The following PIP5K1B variants were observed in gnomAD, a reference collection of about 807,000 sequenced individuals.
The protein encoded by PIP5K1B is phosphatidylinositol 4-phosphate 5-kinase type-1 beta.
In PIP5K1B, 42 loss-of-function variants were observed where a neutral mutation model predicts 67.0. That is an observed-to-expected ratio of 0.63 (90% CI 0.49 to 0.81). The LOEUF (loss-of-function observed/expected upper bound fraction) is 0.81, where lower values mean the gene tolerates loss of function less well. PIP5K1B is among the 30% of genes least tolerant of loss of function. The probability of loss-of-function intolerance (pLI) is 0.00; values close to 1 mark genes in which losing one functional copy is unlikely to be tolerated. For synonymous variants in PIP5K1B, 214 were observed against 231.4 expected, an observed-to-expected ratio of 0.92 and a Z score of 0.68; for missense variants, 459 against 646.3, an observed-to-expected ratio of 0.71 and a Z score of 3.14.
In PIP5K1B at chr9:68,868,460, T is replaced by C. The variant is rs755594438; in HGVS notation, c.200+4493T>C. On this transcript the variant is annotated intron_variant, in intron 5 of 15. Coordinates refer to ENST00000265382, the MANE Select transcript of PIP5K1B (RefSeq NM_003558.4). Reference sequence around the variant, plus strand: ...TATGAAATAATTTGACCCTAAGACATTAAGTCACTTAGCCCAAGGCTATCC... The same window carrying C: ...TATGAAATAATTTGACCCTAAGACACTAAGTCACTTAGCCCAAGGCTATCC... 2.2e-4 allele frequency among the ~76,000 whole-genome samples: 33 copies of C among 152,346 alleles called. 2 individuals carry two copies. The Middle Eastern group carries it at 0.02, about 94-fold the overall frequency.
At chr9:68,791,919 A>G (rs1482605760) in intron 2 of PIP5K1B, among the ~76,000 whole-genome samples, 2 of 152,168 alleles carry the variant, frequency 1.3e-5, no homozygotes, top group Non-Finnish European at 2.9e-5. Context: ...TGTTTTCTGT[A>G]TATGCTTACT....
At chr9:68,917,017 G>C (rs535228077) in intron 8 of PIP5K1B, among the ~76,000 whole-genome samples, 22 of 152,150 alleles carry the variant, frequency 1.4e-4, no homozygotes, top group Admixed American at 3.3e-4. Context: ...AGATACAAGC[G>C]TACAAACTTA....
At chr9:68,943,241 C>T (rs927051522) in intron 14 of PIP5K1B, among the ~76,000 whole-genome samples, 4 of 152,222 alleles carry the variant, frequency 2.6e-5, no homozygotes, top group African/African-American at 9.7e-5. Flanking sequence ...TGACCACCCT[C>T]TTCCTCATTC....
rs2133062434 is a variant in PIP5K1B at position 69,008,429 on chromosome 9, C to G, written c.1621-18C>G. The G allele has an allele frequency of 1.2e-6, 2 of 1,613,480 alleles. No homozygotes were observed. Among genetic ancestry groups the G allele is most frequent in the Middle Eastern group, 1.6e-4 (1 of 6,062 alleles). ...ATGCCAAAATCTAGTCTCACACCTG[C>G]TTTTTTGCTCCCCCCAGTAAGTGAA... is the stretch of plus-strand genomic sequence containing the variant. On this transcript the variant is annotated intron_variant, in intron 15 of 15. Transcript: ENST00000265382.
intron 11 of PIP5K1B, among the ~76,000 whole-genome samples, chr9:68,919,934 C>T (rs1826279200): frequency 6.6e-6 from 1 of 152,188 alleles, no homozygotes; most frequent in Non-Finnish European, 1.5e-5. Flanking sequence ...TACATGACAT[C>T]CAGCCTAGCG....
chr9:68,991,290 T>A (rs1830354785), intron 15 of PIP5K1B, 33 bp downstream of exon 15: 1 of 1,143,046 alleles, frequency 8.7e-7, no homozygotes, highest in African/African-American at 1.5e-5. Context: ...CTCCTCCACT[T>A]CTGGTTTGTA....
At chr9:68,830,268 T>G (rs1474651192) in intron 4 of PIP5K1B, among the ~76,000 whole-genome samples, 1 of 152,158 alleles carries the variant, frequency 6.6e-6, no homozygotes, top group Admixed American at 6.5e-5. Flanking sequence ...CACGTTACCA[T>G]GCACCCCCCG....
chr9:68,814,276 A>G (rs955747215), intron 2 of PIP5K1B, among the ~76,000 whole-genome samples: 7 of 152,242 alleles, frequency 4.6e-5, no homozygotes, highest in African/African-American at 1.7e-4. Context: ...TTGCTTTCTT[A>G]ATTGAAAAAC....
At chr9:68,969,923 T>C (rs1004727797) in intron 14 of PIP5K1B, among the ~76,000 whole-genome samples, 2 of 152,170 alleles carry the variant, frequency 1.3e-5, no homozygotes, top group Admixed American at 6.5e-5. Flanking sequence ...GTGAGTAACA[T>C]TGAGGACATA....
chr9:68,799,662 G>C (rs547356930), intron 2 of PIP5K1B, among the ~76,000 whole-genome samples: 12 of 152,266 alleles, frequency 7.9e-5, no homozygotes, highest in African/African-American at 2.9e-4. Context: ...CTTCAACAAA[G>C]GGTGTTGGGA....
intron 2 of PIP5K1B, among the ~76,000 whole-genome samples, chr9:68,802,776 T>A (rs1832671334): frequency 1.3e-5 from 2 of 152,192 alleles, no homozygotes; most frequent in Non-Finnish European, 2.9e-5. Flanking sequence ...TCATCCCATG[T>A]GGCTGCAGTT....
At chr9:68,889,310 A>C (rs1453674822) in intron 7 of PIP5K1B, among the ~76,000 whole-genome samples, 177 bp downstream of exon 7, 1 of 152,166 alleles carries the variant, frequency 6.6e-6, no homozygotes, top group Non-Finnish European at 1.5e-5. Context: ...GTAAACTAGA[A>C]CTGAATGGCA....
At chr9:68,990,774 CTG>C (rs1830326575) in intron 14 of PIP5K1B, among the ~76,000 whole-genome samples, 2 of 151,898 alleles carry the variant, frequency 1.3e-5, no homozygotes, top group Non-Finnish European at 2.9e-5. Context: ...AGTGATTCTT[CTG>C]CCTCAGCCTC....
chr9:69,004,893 G>A (rs1480770744), intron 15 of PIP5K1B, among the ~76,000 whole-genome samples: 2 of 152,160 alleles, frequency 1.3e-5, no homozygotes, highest in East Asian at 1.9e-4. Flanking sequence ...GCAAGAAGAC[G>A]CTGTGCTTTC....
chr9:68,732,168 C>T (rs1298620709), intron 1 of PIP5K1B, among the ~76,000 whole-genome samples: 2 of 152,192 alleles, frequency 1.3e-5, no homozygotes, highest in South Asian at 2.1e-4. Flanking sequence ...TTATACCTCT[C>T]CTTTGGGACT....
chr9:68,984,155 C>T (rs901512685), intron 14 of PIP5K1B, among the ~76,000 whole-genome samples: 5 of 152,218 alleles, frequency 3.3e-5, no homozygotes, highest in Non-Finnish European at 5.9e-5. Context: ...TCTCATTTTA[C>T]ATATGGGAAA....
At chr9:68,907,128 C>G (rs888337142) in intron 8 of PIP5K1B, among the ~76,000 whole-genome samples, 5 of 152,210 alleles carry the variant, frequency 3.3e-5, no homozygotes, top group Non-Finnish European at 5.9e-5. Flanking sequence ...GCAGTCTCTT[C>G]TGGTTTAGAC....
At position 69,009,116 on chromosome 9, in the gene PIP5K1B, A is replaced by G. The variant is rs988988070; in HGVS notation, c.*667A>G. The G allele has an allele frequency of 2.6e-5, 4 of 152,686 alleles. No homozygotes were observed. The highest frequency in any genetic ancestry group is 5.9e-5 in the Non-Finnish European group (4 of 68,066). The allele number at this position is 152,686 out of a possible 1,614,324, so 9.5% of individuals were successfully genotyped here. A position where few individuals can be genotyped will look rare whatever the true frequency, so the allele number is the denominator to read the frequency against. ...TTGTAAAAGAGAAATTATATAATTT[A>G]TTTAGTAAATACTACTGTAAACTAT... On this transcript the variant is annotated 3_prime_UTR_variant, in exon 16 of 16. Coordinates refer to ENST00000265382, the MANE Select transcript of PIP5K1B (RefSeq NM_003558.4).
At chr9:68,831,722 C>T (rs1564169513) in intron 4 of PIP5K1B, among the ~76,000 whole-genome samples, 1 of 152,134 alleles carries the variant, frequency 6.6e-6, no homozygotes, top group Non-Finnish European at 1.5e-5. Flanking sequence ...GTTGCCCAGG[C>T]TGGAGTGCAG....
Sources: allele counts gnomAD v4.1 joint callset (sites outside exome capture counted in the v4.1 genomes callset), GRCh38; gene constraint gnomAD v4.1.1; transcripts MANE v1.5; gene names NCBI Gene and HGNC (gene_info 2026-07-23, HGNC 2026-07-21).